Variants in AKAP6 observed in about 807,000 individuals in gnomAD.
AKAP6 encodes the protein A-kinase anchor protein 6.
Under a neutral mutation model 188.5 loss-of-function variants are expected in AKAP6, and 58 were observed. The ratio of observed to expected loss-of-function variants is 0.31; its 90% CI spans 0.25 to 0.38. The LOEUF is 0.38. Among genes scored for constraint, AKAP6 ranks in the 10% least tolerant of loss-of-function variants. AKAP6 has a pLI of 1.00. For synonymous variants in AKAP6, 989 were observed against 998.6 expected (o/e 0.99, Z 0.18); for missense variants, 2,710 against 2,740.0 (o/e 0.99, Z 0.24).
rs764623922 is a variant in AKAP6 at position 32,735,718 on chromosome 14, G to T, written c.3208G>T (p.Asp1070Tyr). 1.9e-6 allele frequency: 3 copies of T among 1,613,436 alleles called. No individual in the cohort carries two copies. In the South Asian group the frequency reaches 3.3e-5, roughly 18 times the overall value. The change falls in exon 11 of 14, where the codon GAC (aspartate) becomes TAC (tyrosine). Residue 1070 changes from aspartate to tyrosine, a missense_variant. By Grantham distance (160) the Asp-to-Tyr change is radical. Coordinates refer to ENST00000280979, the MANE Select transcript of AKAP6 (RefSeq NM_004274.5). ...MAGHSGSSPR[D>Y]LLSPESGSLV... is the part of the protein sequence containing the mutation. ...AGGGCACAGTGGGTCGAGTCCACGT[G>T]ACCTGCTCTCTCCTGAAAGTGGAAG...
intron 9 of AKAP6, among the ~76,000 whole-genome samples, chr14:32,710,661 G>A (rs1340325497): frequency 1.3e-5 from 2 of 152,056 alleles, no homozygotes; most frequent in Admixed American, 1.3e-4. Flanking sequence ...ATGAGGCTTA[G>A]TGCCTTTTCC....
At chr14:32,489,973 G>A (rs895234207) in intron 2 of AKAP6, among the ~76,000 whole-genome samples, 1 of 152,214 alleles carries the variant, frequency 6.6e-6, no homozygotes, top group African/African-American at 2.4e-5. Context: ...GTTCTTATAG[G>A]TTTTGGGATA....
At chr14:32,442,621 A>G (rs1890617300) in intron 2 of AKAP6, 1 of 146,612 alleles carries the variant, frequency 6.8e-6, no homozygotes, top group South Asian at 2.2e-4. Context: ...CCTGAGCAAC[A>G]TAGCAAGATC....
At chr14:32,766,769 AT>A (rs1477214321) in intron 11 of AKAP6, among the ~76,000 whole-genome samples, 1 of 152,126 alleles carries the variant, frequency 6.6e-6, no homozygotes, top group Non-Finnish European at 1.5e-5. Context: ...AAAGCTTTAA[AT>A]TTTGATGAAG....
At chr14:32,427,310 G>A (rs1002686740) in intron 1 of AKAP6, among the ~76,000 whole-genome samples, 1 of 152,220 alleles carries the variant, frequency 6.6e-6, no homozygotes, top group Non-Finnish European at 1.5e-5. Flanking sequence ...CAGGGAAAGA[G>A]AGCAAAGGAG....
chr14:32,606,304 C>T (rs1956219), intron 7 of AKAP6, among the ~76,000 whole-genome samples: 93,414 of 151,972 alleles, frequency 0.61, 29,590 homozygotes, highest in East Asian at 0.94. Flanking sequence ...ACATAGTGAA[C>T]AACACCTAAC....
At chr14:32,412,803 G>A (rs1003926136) in intron 1 of AKAP6, among the ~76,000 whole-genome samples, 5 of 152,118 alleles carry the variant, frequency 3.3e-5, no homozygotes, top group African/African-American at 1.2e-4. Context: ...ACACACCACG[G>A]ATGATGTTAT....
intron 7 of AKAP6, among the ~76,000 whole-genome samples, chr14:32,675,233 T>C (rs1889378316): frequency 6.6e-6 from 1 of 152,202 alleles, no homozygotes; most frequent in Non-Finnish European, 1.5e-5. Flanking sequence ...CCTACTCCTA[T>C]TGATGGCATC....
chr14:32,783,691 TTAA>T (rs1431034853), intron 12 of AKAP6, among the ~76,000 whole-genome samples: 1 of 152,164 alleles, frequency 6.6e-6, no homozygotes, highest in Non-Finnish European at 1.5e-5. Flanking sequence ...TTTAAGACTC[TTAA>T]TAACCATATA....
intron 12 of AKAP6, among the ~76,000 whole-genome samples, chr14:32,788,640 T>C (rs1201576568): frequency 6.6e-6 from 1 of 151,876 alleles, no homozygotes; most frequent in African/African-American, 2.4e-5. Context: ...GCTTCTCCCA[T>C]GAATCTTTGC....
chr14:32,507,882 C>G (rs559366945), intron 2 of AKAP6, among the ~76,000 whole-genome samples: 1 of 152,164 alleles, frequency 6.6e-6, no homozygotes, highest in East Asian at 1.9e-4. Context: ...AACCCATGTT[C>G]TCTGAAATGA....
At chr14:32,579,471 T>C (rs1884870716) in intron 5 of AKAP6, among the ~76,000 whole-genome samples, 1 of 152,164 alleles carries the variant, frequency 6.6e-6, no homozygotes, top group South Asian at 2.1e-4. Flanking sequence ...ACAGACCTGT[T>C]GACTGGATGT....
At chr14:32,687,224 A>G (rs1661075961) in intron 8 of AKAP6, among the ~76,000 whole-genome samples, 1 of 152,214 alleles carries the variant, frequency 6.6e-6, no homozygotes, top group African/African-American at 2.4e-5. Flanking sequence ...GATTTAAAAT[A>G]TCACTTGATT....
At chr14:32,435,499 G>A (rs1339981898) in intron 2 of AKAP6, among the ~76,000 whole-genome samples, 1 of 152,134 alleles carries the variant, frequency 6.6e-6, no homozygotes, top group Non-Finnish European at 1.5e-5. Flanking sequence ...ACCAACTCTA[G>A]GGTTGTATGT....
At chr14:32,524,785 T>C (rs554906164) in intron 2 of AKAP6, among the ~76,000 whole-genome samples, 3 of 152,328 alleles carry the variant, frequency 2.0e-5, no homozygotes, top group African/African-American at 4.8e-5. Flanking sequence ...TAGTTCCCAC[T>C]TCAGCATCAG....
intron 1 of AKAP6, among the ~76,000 whole-genome samples, chr14:32,425,138 A>G (rs995430522): frequency 6.6e-6 from 1 of 151,932 alleles, no homozygotes; most frequent in Non-Finnish European, 1.5e-5. Flanking sequence ...TTTCTCCACA[A>G]CCTCACCAGC....
At chr14:32,435,636 A>T (rs1431410624) in intron 2 of AKAP6, among the ~76,000 whole-genome samples, 8 of 152,234 alleles carry the variant, frequency 5.3e-5, no homozygotes, top group Admixed American at 5.2e-4. Context: ...CCAGGAGGGC[A>T]TGAAGTCAAC....
chr14:32,419,253 A>G (rs1889758552), intron 1 of AKAP6, among the ~76,000 whole-genome samples: 1 of 152,226 alleles, frequency 6.6e-6, no homozygotes, highest in Admixed American at 6.5e-5. Flanking sequence ...TCTGGATATT[A>G]ACAGCCCTTG....
At chr14:32,395,942 G>A (rs914885596) in intron 1 of AKAP6, among the ~76,000 whole-genome samples, 3 of 152,088 alleles carry the variant, frequency 2.0e-5, no homozygotes, top group African/African-American at 7.2e-5. Flanking sequence ...TTAACACTGT[G>A]CCTGGCTTAG....
Sources: gnomAD v4.1 joint callset for allele counts (sites outside exome capture counted in the v4.1 genomes callset) on GRCh38, gnomAD v4.1.1 for gene constraint, MANE v1.5 for transcripts, NCBI Gene and HGNC (gene_info 2026-07-23, HGNC 2026-07-21) for gene names.